The following CDH7 variants were observed in gnomAD, a reference collection of about 807,000 sequenced individuals.
CDH7 encodes the protein cadherin 7.
A neutral mutation model predicts 71.8 loss-of-function variants in CDH7; 25 were observed. The ratio of observed to expected loss-of-function variants is 0.35; its 90% confidence interval spans 0.25 to 0.49. CDH7 has a LOEUF of 0.49. Among genes scored for constraint, CDH7 ranks in the 20% least tolerant of loss-of-function variants. The pLI is 0.99. For missense variants in CDH7, 862 were observed against 974.6 expected, an observed-to-expected ratio of 0.88 and a Z score of 1.54; for synonymous variants, 381 against 363.8, an observed-to-expected ratio of 1.05 and a Z score of -0.54.
At chr18:65,756,550 T>A (rs1249547510) in intron 1 of CDH7, among the ~76,000 whole-genome samples, 1 of 152,228 alleles carries the variant, frequency 6.6e-6, no homozygotes, top group African/African-American at 2.4e-5. Context: ...GTTAGTGTGT[T>A]ATATATTAAG....
At chr18:65,822,295 A>T in intron 5 of CDH7, 47 bp downstream of exon 5, 1 of 1,475,914 alleles carries the variant, frequency 6.8e-7, no homozygotes, top group Non-Finnish European at 9.4e-7. Context: ...TTTCCCTGAA[A>T]GTCTATAAAA....
intron 2 of CDH7, among the ~76,000 whole-genome samples, chr18:65,792,188 T>G (rs1426845200): frequency 1.8e-5 from 1 of 55,410 alleles, no homozygotes. Context: ...AGCCAGTCTT[T>G]TTTTTTTTTT....
At chr18:65,863,591 A>T (rs1178855450) in intron 11 of CDH7, 1 of 152,218 alleles carries the variant, frequency 6.6e-6, no homozygotes, top group African/African-American at 2.4e-5. Flanking sequence ...TTTTGACAAT[A>T]TGCTTATTTT....
chr18:65,822,092 A>G lies in CDH7; in HGVS notation c.637A>G (p.Thr213Ala), dbSNP rs1233152465. The G allele has an allele frequency of 5.6e-6, 9 of 1,612,494 alleles. No homozygotes were observed. The highest frequency in any genetic ancestry group is 6.8e-6 in the Non-Finnish European group (8 of 1,178,710). ...TTGAAATTTTACAGGAGTCATCAAG[A>G]CTGCCCTTCCAAACATGGATAGAGA... is the stretch of plus-strand genomic sequence containing the variant. Reference protein sequence around the residue: ...SVEPKTGVIKTALPNMDREAK... With the variant: ...SVEPKTGVIKAALPNMDREAK... Residue 213 changes from threonine to alanine, a missense_variant, in exon 5 of 12, where the codon ACT becomes GCT. Transcript: ENST00000397968.
In CDH7 at chr18:65,886,362, T is replaced by C. The variant is rs560039788; in HGVS notation, c.*5468T>C. The C allele has an allele frequency of 5.9e-5, 9 of 151,608 alleles. No homozygotes were observed. Among genetic ancestry groups the C allele is most frequent in the Admixed American group, 4.6e-4 (7 of 15,150 alleles). 9.4% of individuals were successfully genotyped at this position (151,608 alleles called of 1,614,324 possible). A position where few individuals can be genotyped will look rare whatever the true frequency, so the allele number is the denominator to read the frequency against. On this transcript the variant is annotated 3_prime_UTR_variant, in exon 12 of 12. Coordinates refer to ENST00000397968, the MANE Select transcript of CDH7 (RefSeq NM_004361.5). Reference sequence around the variant, plus strand: ...CAACTTGGTATCCTAAATTGGAAAATAATATTCAAATAGATAATTGTCATA... The same window carrying C: ...CAACTTGGTATCCTAAATTGGAAAACAATATTCAAATAGATAATTGTCATA...
intron 6 of CDH7, among the ~76,000 whole-genome samples, chr18:65,838,092 C>G (rs1207970551): frequency 2.0e-5 from 3 of 151,658 alleles, no homozygotes; most frequent in Non-Finnish European, 4.4e-5. Flanking sequence ...GGCAGGCTAA[C>G]TTTTGTATTT....
At chr18:65,871,662 A>G (rs536340356) in intron 11 of CDH7, among the ~76,000 whole-genome samples, 29 of 152,314 alleles carry the variant, frequency 1.9e-4, no homozygotes, top group African/African-American at 7.0e-4. Context: ...ACAATAGGAA[A>G]CAAATCAGAG....
intron 2 of CDH7, among the ~76,000 whole-genome samples, chr18:65,801,469 A>G (rs1160586395): frequency 6.6e-6 from 1 of 152,240 alleles, no homozygotes; most frequent in Non-Finnish European, 1.5e-5. Context: ...CACCCAAGAG[A>G]GAATCATTGA....
chr18:65,824,261 T>A, intron 5 of CDH7, among the ~76,000 whole-genome samples: 1 of 151,170 alleles, frequency 6.6e-6, no homozygotes, highest in South Asian at 2.1e-4. Context: ...CTATTCTATT[T>A]TTATTTCTTA....
chr18:65,779,247 A>G lies in CDH7; in HGVS notation c.210+16195A>G, dbSNP rs374462783. 3.2e-5 allele frequency among the ~76,000 whole-genome samples: 4 copies of G among 126,278 alleles called. No individual in the cohort carries two copies. The East Asian group carries it at 9.4e-4, about 30-fold the overall frequency. 82.8% of individuals were successfully genotyped at this position (126,278 alleles called of 152,430 possible). On this transcript the variant is annotated intron_variant, in intron 2 of 11. Transcript: ENST00000397968. ...AATTGGAAGCTGGAGCCATAAGAAT[A>G]GAAAACATTCTTTTTTTTTTTTTTT...
At chr18:65,773,997 T>C (rs1258864052) in intron 2 of CDH7, among the ~76,000 whole-genome samples, 2 of 152,200 alleles carry the variant, frequency 1.3e-5, no homozygotes, top group African/African-American at 4.8e-5. Flanking sequence ...TTGTATGACA[T>C]GACTTCTCAA....
chr18:65,857,267 G>A (rs2144026640), intron 7 of CDH7, among the ~76,000 whole-genome samples: 2 of 149,894 alleles, frequency 1.3e-5, no homozygotes, highest in Middle Eastern at 3.6e-3. Flanking sequence ...AGGGTCACTT[G>A]AGCCCAGGAA....
rs911145152 is a variant in CDH7, at chr18:65,751,059, G to C, written c.-288G>C. 2 of 152,220 alleles carry C rather than the reference G, an allele frequency of 1.3e-5. No homozygotes were observed. The highest frequency in any genetic ancestry group is 2.9e-5 in the Non-Finnish European group (2 of 68,062). The allele number at this position is 152,220 out of a possible 1,614,324, so 9.4% of individuals were successfully genotyped here. A position where few individuals can be genotyped will look rare whatever the true frequency, so the allele number is the denominator to read the frequency against. On this transcript the variant is annotated 5_prime_UTR_variant, in exon 1 of 12. Coordinates refer to ENST00000397968, the MANE Select transcript of CDH7 (RefSeq NM_004361.5). ...GCGCGCACTGGGTCCCCAAGAGCCC[G>C]CGGGCGTCCGGCAGCCGAGCGCACG...
chr18:65,840,826 A>G (rs1912705986), intron 6 of CDH7, among the ~76,000 whole-genome samples: 2 of 152,026 alleles, frequency 1.3e-5, no homozygotes, highest in Non-Finnish European at 2.9e-5. Flanking sequence ...GTACTTCCAA[A>G]CATCGAGATA....
chr18:65,805,865 A>G (rs1911298919), intron 2 of CDH7, among the ~76,000 whole-genome samples: 1 of 152,240 alleles, frequency 6.6e-6, no homozygotes, highest in South Asian at 2.1e-4. Context: ...TATGTTTTAG[A>G]GGAAATAATT....
At chr18:65,794,750 C>T (rs1168488818) in intron 2 of CDH7, among the ~76,000 whole-genome samples, 3 of 152,018 alleles carry the variant, frequency 2.0e-5, no homozygotes, top group Admixed American at 6.6e-5. Context: ...ACACTCAGGG[C>T]GGTGTGGGGG....
At chr18:65,837,834 T>G (rs1433957375) in intron 6 of CDH7, among the ~76,000 whole-genome samples, 1 of 152,154 alleles carries the variant, frequency 6.6e-6, no homozygotes, top group Non-Finnish European at 1.5e-5. Context: ...TATTTAAATG[T>G]ACAGAATTAT....
At chr18:65,875,918 G>T (rs1319712943) in intron 11 of CDH7, among the ~76,000 whole-genome samples, 1 of 152,114 alleles carries the variant, frequency 6.6e-6, no homozygotes, top group East Asian at 1.9e-4. Flanking sequence ...GACAAAGTGA[G>T]ACTCTGTCTC....
intron 5 of CDH7, 47 bp from the exon 6 acceptor site, chr18:65,824,597 T>C (rs1912055943): frequency 8.1e-7 from 1 of 1,233,840 alleles, no homozygotes; most frequent in Non-Finnish European, 1.1e-6. Context: ...AAATTTTTAT[T>C]GGTTAGTTTG....
Sources: gnomAD v4.1 joint callset for allele counts (sites outside exome capture counted in the v4.1 genomes callset) on GRCh38, gnomAD v4.1.1 for gene constraint, MANE v1.5 for transcripts, NCBI Gene and HGNC (gene_info 2026-07-23, HGNC 2026-07-21) for gene names.